The following SANBR variants were observed in gnomAD, a reference collection of about 807,000 sequenced individuals.
SANBR encodes SANT and BTB domain regulator of class switch recombination.
In SANBR, 77 loss-of-function variants were observed where a neutral mutation model predicts 101.8. The observed-to-expected ratio is 0.76, with a 90% CI of 0.63 to 0.91. SANBR has a LOEUF of 0.91. Ranked by LOEUF, SANBR falls within the 40% of genes least tolerant of loss-of-function variation. The probability of loss-of-function intolerance (pLI) is 0.00; values close to 1 mark genes in which losing one functional copy is unlikely to be tolerated. For missense variants in SANBR, 875 were observed against 853.0 expected (o/e 1.03, Z -0.32); for synonymous variants, 279 against 274.7 (o/e 1.02, Z -0.15).
chr2:61,115,361 CAG>C (rs1395120205), intron 16 of SANBR, among the ~76,000 whole-genome samples: 1 of 146,700 alleles, frequency 6.8e-6, no homozygotes, highest in Admixed American at 6.9e-5. Context: ...TTTTTTGAGA[CAG>C]AGTCTCGCTC....
At chr2:61,076,523 G>A (rs1681787683) in intron 5 of SANBR, among the ~76,000 whole-genome samples, 1 of 149,538 alleles carries the variant, frequency 6.7e-6, no homozygotes, top group African/African-American at 2.4e-5. Flanking sequence ...AGCTACTCAG[G>A]AGGCTGAGGC....
intron 16 of SANBR, among the ~76,000 whole-genome samples, chr2:61,109,679 T>G (rs1452026752): frequency 4.3e-5 from 6 of 140,524 alleles, no homozygotes; most frequent in Non-Finnish European, 6.1e-5. Context: ...TTTTTTGTGT[T>G]TGTTTTTTTT....
At chr2:61,080,067 G>C (rs1682020240) in intron 6 of SANBR, among the ~76,000 whole-genome samples, 1 of 150,546 alleles carries the variant, frequency 6.6e-6, no homozygotes, top group South Asian at 2.1e-4. Context: ...CGTGGTGGCA[G>C]GTGCCTGTAG....
At chr2:61,133,646 G>A (rs532566536) in intron 20 of SANBR, among the ~76,000 whole-genome samples, 226 of 152,218 alleles carry the variant, frequency 1.5e-3, no homozygotes, top group Middle Eastern at 6.8e-3. Flanking sequence ...CTACAACACG[G>A]ATAAACCTTG....
intron 6 of SANBR, among the ~76,000 whole-genome samples, chr2:61,078,515 G>C (rs1217304614): frequency 6.6e-6 from 1 of 151,844 alleles, no homozygotes; most frequent in Non-Finnish European, 1.5e-5. Context: ...TCTGCCTCCC[G>C]GGTTCAAGCG....
At chr2:61,070,990 G>A (rs1014695672) in intron 3 of SANBR, among the ~76,000 whole-genome samples, 1 of 151,516 alleles carries the variant, frequency 6.6e-6, no homozygotes, top group East Asian at 1.9e-4. Context: ...CCAAAGTGCT[G>A]AGATTACAGG....
intron 11 of SANBR, chr2:61,093,189 G>A (rs1682860765): frequency 1.3e-5 from 2 of 152,254 alleles, no homozygotes; most frequent in East Asian, 1.9e-4. Context: ...AAAAGCAATG[G>A]TGCTGTTAAA....
chr2:61,106,014 C>T (rs969056129), intron 13 of SANBR, among the ~76,000 whole-genome samples: 1 of 152,092 alleles, frequency 6.6e-6, no homozygotes, highest in African/African-American at 2.4e-5. Context: ...CCCATTCCAC[C>T]ACCTCATAGG....
chr2:61,092,899 C>T (rs1230759438), intron 11 of SANBR, among the ~76,000 whole-genome samples: 7 of 150,998 alleles, frequency 4.6e-5, no homozygotes, highest in Non-Finnish European at 8.9e-5. Context: ...TTTGGGAGGC[C>T]GAGGTGGGCG....
chr2:61,115,346 A>AT (rs34181850), intron 16 of SANBR, among the ~76,000 whole-genome samples: 72,990 of 147,404 alleles, frequency 0.5, 18,200 homozygotes, highest in Middle Eastern at 0.63. Context: ...ATATATATAT[A>AT]TTTTTTTTTT....
At chr2:61,079,089 G>A (rs977566034) in intron 6 of SANBR, among the ~76,000 whole-genome samples, 35 of 151,928 alleles carry the variant, frequency 2.3e-4, no homozygotes, top group African/African-American at 8.2e-4. Flanking sequence ...ATGTTAACAT[G>A]TAAATAGGTT....
intron 16 of SANBR, among the ~76,000 whole-genome samples, chr2:61,110,017 C>T (rs114081032): frequency 3.3e-5 from 5 of 151,794 alleles, no homozygotes; most frequent in African/African-American, 9.7e-5. Flanking sequence ...TCATTAGTTC[C>T]GAGAAACAGC....
intron 12 of SANBR, 56 bp from the exon 13 acceptor site, chr2:61,103,797 T>C: frequency 6.6e-7 from 1 of 1,520,556 alleles, no homozygotes; most frequent in Non-Finnish European, 9.0e-7. Context: ...ACAGTGATCT[T>C]TAAAGGAGTG....
At chr2:61,075,800 A>G (rs1462847329) in intron 5 of SANBR, among the ~76,000 whole-genome samples, 2 of 151,878 alleles carry the variant, frequency 1.3e-5, no homozygotes, top group Non-Finnish European at 2.9e-5. Context: ...CTAGTTATTC[A>G]TTTGATTCTT....
intron 20 of SANBR, among the ~76,000 whole-genome samples, chr2:61,119,080 C>T (rs1428194214): frequency 6.6e-6 from 1 of 152,192 alleles, no homozygotes; most frequent in Non-Finnish European, 1.5e-5. Context: ...TACCAATTTT[C>T]ATCAACTCTG....
intron 11 of SANBR, chr2:61,094,104 A>G (rs973372024): frequency 3.1e-6 from 3 of 980,582 alleles, no homozygotes; most frequent in Non-Finnish European, 3.6e-6. Context: ...GTTCCCACTC[A>G]ATGGGTTCTG....
chr2:61,135,971 T>C (rs1684827290), intron 21 of SANBR, among the ~76,000 whole-genome samples: 1 of 152,218 alleles, frequency 6.6e-6, no homozygotes. Context: ...AAGTCTCTTA[T>C]AGTTCTGAAA....
At chr2:61,114,660 C>T (rs1683989130) in intron 16 of SANBR, among the ~76,000 whole-genome samples, 2 of 151,996 alleles carry the variant, frequency 1.3e-5, no homozygotes, top group Non-Finnish European at 2.9e-5. Context: ...TGTATATACA[C>T]ATACATATAT....
intron 2 of SANBR, 82 bp downstream of exon 2, chr2:61,069,067 A>T (rs1416854673): frequency 6.6e-6 from 1 of 152,326 alleles, no homozygotes; most frequent in South Asian, 2.1e-4. Flanking sequence ...TGTTCATTCA[A>T]ATACATGTAG....
Sources: allele counts gnomAD v4.1 joint callset (sites outside exome capture counted in the v4.1 genomes callset), GRCh38; gene constraint gnomAD v4.1.1; transcripts MANE v1.5; gene names NCBI Gene and HGNC (gene_info 2026-07-23, HGNC 2026-07-21).